Variants in DYM observed in about 807,000 individuals in gnomAD.
DYM encodes the protein dymeclin.
DYM carries 78 observed loss-of-function variants against 93.1 expected under a neutral mutation model. The observed-to-expected ratio is 0.84, with a 90% CI of 0.70 to 1.01. The LOEUF is 1.01. Ranked by LOEUF, DYM falls within the 50% of genes least tolerant of loss-of-function variation. The pLI is 0.00. For synonymous variants in DYM, 321 were observed against 319.7 expected (o/e 1.00, Z -0.04); for missense variants, 789 against 845.0 (o/e 0.93, Z 0.82).
intron 15 of DYM, among the ~76,000 whole-genome samples, chr18:49,137,311 A>G (rs911631826): frequency 2.0e-5 from 3 of 152,224 alleles, no homozygotes; most frequent in African/African-American, 7.2e-5. Flanking sequence ...TGTCCTGGTG[A>G]CATGGAAAGA....
intron 13 of DYM, among the ~76,000 whole-genome samples, chr18:49,241,509 C>G (rs1343163946): frequency 6.6e-6 from 1 of 152,118 alleles, no homozygotes; most frequent in Non-Finnish European, 1.5e-5. Context: ...GAGTAAGCCC[C>G]GAACTCAATC....
intron 15 of DYM, among the ~76,000 whole-genome samples, chr18:49,143,230 C>G (rs1043631649): frequency 7.2e-5 from 11 of 152,286 alleles, no homozygotes; most frequent in Admixed American, 1.3e-4. Context: ...ACCAACACAG[C>G]ATAGCTAGTA....
intron 15 of DYM, among the ~76,000 whole-genome samples, chr18:49,145,134 T>TATATATAA (rs1555778609): frequency 0.017 from 1,385 of 79,538 alleles, 129 homozygotes; most frequent in East Asian, 0.03. Flanking sequence ...TATATATATA[T>TATATATAA]AATTTATATA....
chr18:49,095,828 G>A (rs2079492278), intron 17 of DYM, among the ~76,000 whole-genome samples: 1 of 151,974 alleles, frequency 6.6e-6, no homozygotes, highest in Admixed American at 6.6e-5. Context: ...AATTCATTTT[G>A]CTTTAAGGTA....
At chr18:49,075,691 A>G (rs1265641915) in intron 17 of DYM, among the ~76,000 whole-genome samples, 1 of 152,234 alleles carries the variant, frequency 6.6e-6, no homozygotes, top group East Asian at 1.9e-4. Context: ...AATTTTTCCA[A>G]CACGGAAAAT....
chr18:49,415,686 T>G (rs1004197553), intron 2 of DYM, among the ~76,000 whole-genome samples: 3 of 151,912 alleles, frequency 2.0e-5, no homozygotes, highest in Admixed American at 6.6e-5. Context: ...CCAGCACTTT[T>G]GGAGGCTGAT....
intron 8 of DYM, among the ~76,000 whole-genome samples, chr18:49,313,891 A>G (rs760095052): frequency 6.6e-6 from 1 of 152,126 alleles, no homozygotes; most frequent in Non-Finnish European, 1.5e-5. Flanking sequence ...ACTGGTATAA[A>G]TAAAATTACC....
intron 13 of DYM, among the ~76,000 whole-genome samples, chr18:49,219,285 G>C (rs1203469592): frequency 1.3e-5 from 2 of 152,112 alleles, no homozygotes; most frequent in African/African-American, 4.8e-5. Context: ...ACCAAAAAGA[G>C]TCCAGGACCA....
At chr18:49,251,629 G>A (rs957726059) in intron 13 of DYM, among the ~76,000 whole-genome samples, 4 of 152,162 alleles carry the variant, frequency 2.6e-5, no homozygotes, top group Admixed American at 6.5e-5. Context: ...GTGCGAGGCC[G>A]TTACAAATGT....
At chr18:49,085,606 C>CTTTTTTTTTTTTTTTT (rs11437833) in intron 17 of DYM, among the ~76,000 whole-genome samples, 2 of 102,156 alleles carry the variant, frequency 2.0e-5, no homozygotes, top group Non-Finnish European at 3.9e-5. Flanking sequence ...ACAACTGGTC[C>CTTTTTTTTTTTTTTTT]TTTTTTTTTT....
intron 15 of DYM, among the ~76,000 whole-genome samples, chr18:49,142,368 G>A (rs1453924509): frequency 6.6e-6 from 1 of 152,132 alleles, no homozygotes; most frequent in Non-Finnish European, 1.5e-5. Context: ...GACAGAACTA[G>A]GATTCAAATC....
chr18:49,343,652 T>G (rs2064337681), intron 6 of DYM, among the ~76,000 whole-genome samples: 1 of 152,232 alleles, frequency 6.6e-6, no homozygotes, highest in Admixed American at 6.5e-5. Flanking sequence ...TACTCACATA[T>G]TTTTGAATAG....
chr18:49,335,977 C>T (rs2063637948), intron 6 of DYM, among the ~76,000 whole-genome samples: 1 of 152,078 alleles, frequency 6.6e-6, no homozygotes, highest in African/African-American at 2.4e-5. Flanking sequence ...TCATGCCCAG[C>T]TAATTTTTGT....
chr18:49,209,303 G>T (rs1046281720), intron 14 of DYM, among the ~76,000 whole-genome samples: 1 of 152,100 alleles, frequency 6.6e-6, no homozygotes, highest in Non-Finnish European at 1.5e-5. Context: ...AATAGTTCTG[G>T]CAAGTTTATA....
At chr18:49,246,077 G>A (rs1333006297) in intron 13 of DYM, among the ~76,000 whole-genome samples, 1 of 152,132 alleles carries the variant, frequency 6.6e-6, no homozygotes, top group African/African-American at 2.4e-5. Context: ...TTGTAAAGGA[G>A]GAAACTGAAG....
intron 2 of DYM, among the ~76,000 whole-genome samples, chr18:49,398,728 A>T (rs1344057723): frequency 6.6e-6 from 1 of 152,160 alleles, no homozygotes; most frequent in Non-Finnish European, 1.5e-5. Context: ...TTTTTCTGGC[A>T]TATAGTAAGT....
chr18:49,070,648 C>T (rs1040693795), intron 17 of DYM, among the ~76,000 whole-genome samples: 2 of 152,202 alleles, frequency 1.3e-5, no homozygotes, highest in African/African-American at 4.8e-5. Flanking sequence ...TTGAATGCTA[C>T]TTTAGAAACT....
chr18:49,254,836 A>T (rs1161508721), intron 13 of DYM, among the ~76,000 whole-genome samples: 1 of 152,236 alleles, frequency 6.6e-6, no homozygotes, highest in South Asian at 2.1e-4. Context: ...CAGCCTACAA[A>T]GCAGCACAGA....
chr18:49,089,801 T>C (rs996586286), intron 17 of DYM, among the ~76,000 whole-genome samples: 1 of 152,190 alleles, frequency 6.6e-6, no homozygotes, highest in African/African-American at 2.4e-5. Flanking sequence ...TGTGACCAGA[T>C]TCCTTCTTAG....
Sources: gnomAD v4.1 joint callset for allele counts (sites outside exome capture counted in the v4.1 genomes callset) on GRCh38, gnomAD v4.1.1 for gene constraint, MANE v1.5 for transcripts, NCBI Gene and HGNC (gene_info 2026-07-23, HGNC 2026-07-21) for gene names.